Variants in VCAN observed in about 807,000 individuals in gnomAD.
VCAN encodes the protein versican core protein.
Under a neutral mutation model 245.5 loss-of-function variants are expected in VCAN, and 44 were observed. The observed-to-expected ratio is 0.18, with a 90% CI of 0.14 to 0.23. The LOEUF (loss-of-function observed/expected upper bound fraction) is 0.23, where lower values mean the gene tolerates loss of function less well. Ranked by LOEUF, VCAN falls within the 10% of genes least tolerant of loss-of-function variation. The pLI is 1.00. For synonymous variants in VCAN, 1,413 were observed against 1,437.0 expected (o/e 0.98, Z 0.38); for missense variants, 3,793 against 4,057.9 (o/e 0.93, Z 1.77).
intron 12 of VCAN, among the ~76,000 whole-genome samples, chr5:83,556,053 C>G (rs781097484): frequency 2.7e-4 from 41 of 152,140 alleles, no homozygotes; most frequent in Non-Finnish European, 4.7e-4. Flanking sequence ...TCAAAGTAAT[C>G]TCTGCTTTTG....
At chr5:83,558,275 T>G (rs1207444639) in intron 12 of VCAN, among the ~76,000 whole-genome samples, 1 of 152,178 alleles carries the variant, frequency 6.6e-6, no homozygotes, top group South Asian at 2.1e-4. Flanking sequence ...CCAAGGTTTT[T>G]GCTTTTGAAA....
Position 83,519,849 on chromosome 5 carries a change from G to A in VCAN, c.1543G>A (p.Val515Ile). 1 of 1,614,102 alleles carries A rather than the reference G, an allele frequency of 6.2e-7. No homozygotes were observed. Among genetic ancestry groups the A allele is most frequent in the Non-Finnish European group, 8.5e-7 (1 of 1,180,000 alleles). ...GCACATTCCTTCCAAGGAATTCCCT[G>A]TAACTGAAACACCATTGGTAACTGC... ...LKHIPSKEFP[V>I]TETPLVTARM... The change falls in exon 7 of 15, where the codon GTA becomes ATA. Residue 515 changes from valine (V) to isoleucine (I), a missense_variant. Coordinates refer to ENST00000265077, the MANE Select transcript of VCAN (RefSeq NM_004385.5).
At position 83,572,480 on chromosome 5, in the gene VCAN, T is replaced by A; in HGVS notation, c.9800T>A (p.Val3267Glu). The change falls in exon 13 of 15, where the codon GTA becomes GAA. Residue 3267 changes from valine to glutamate, a missense_variant. Transcript: ENST00000265077. ...SFFSAGEDCV[V>E]IIWHENGQWN... Reference sequence around the variant, plus strand: ...TTTTCTGCTGGAGAAGACTGTGTTGTAATCATTTGGCATGAGAATGGCCAG... The same window carrying A: ...TTTTCTGCTGGAGAAGACTGTGTTGAAATCATTTGGCATGAGAATGGCCAG... 1 of 1,613,968 alleles carries A rather than the reference T, an allele frequency of 6.2e-7. No homozygotes were observed. Among genetic ancestry groups the A allele is most frequent in the Non-Finnish European group, 8.5e-7 (1 of 1,179,896 alleles).
At chr5:83,575,200 A>G (rs1463484878) in intron 13 of VCAN, among the ~76,000 whole-genome samples, 2 of 152,186 alleles carry the variant, frequency 1.3e-5, no homozygotes, top group South Asian at 2.1e-4. Flanking sequence ...GAAAGAGAAC[A>G]CTAACATACA....
chr5:83,568,098 G>A (rs1300115147), intron 12 of VCAN, among the ~76,000 whole-genome samples: 1 of 151,190 alleles, frequency 6.6e-6, no homozygotes, highest in African/African-American at 2.4e-5. Context: ...TTTAACTTTA[G>A]TGAAAAGAAA....
At chr5:83,479,594 C>T (rs1023242920) in intron 1 of VCAN, among the ~76,000 whole-genome samples, 13 of 151,876 alleles carry the variant, frequency 8.6e-5, no homozygotes, top group African/African-American at 1.2e-4. Context: ...CACTAGTAGA[C>T]GGTGCTTATA....
rs1366052719 is a variant in VCAN, at chr5:83,576,279, AGTG to A, written c.9881-3700_9881-3698del. On this transcript the variant is annotated intron_variant, in intron 13 of 14. Coordinates refer to ENST00000265077, the MANE Select transcript of VCAN (RefSeq NM_004385.5). ...TGTTTCACTAAACAATAAATTATTT[AGTG>A]TTGTACATTTTTGAACTTTAAATAA... 3.9e-5 allele frequency among the ~76,000 whole-genome samples: 6 copies of A among 152,158 alleles called. No homozygotes were observed. The East Asian group carries it at 1.2e-3, about 29-fold the overall frequency.
At chr5:83,579,778 T>C (rs1021957531) in intron 13 of VCAN, among the ~76,000 whole-genome samples, 38 of 152,204 alleles carry the variant, frequency 2.5e-4, no homozygotes, top group Non-Finnish European at 3.8e-4. Flanking sequence ...AATTTCAAGA[T>C]GGCATAATCT....
At chr5:83,509,885 C>T (rs1343411817) in intron 5 of VCAN, among the ~76,000 whole-genome samples, 1 of 152,156 alleles carries the variant, frequency 6.6e-6, no homozygotes, top group Non-Finnish European at 1.5e-5. Context: ...GCCATCTCTC[C>T]AAAGCTTTGT....
At chr5:83,558,775 G>A (rs1747761955) in intron 12 of VCAN, among the ~76,000 whole-genome samples, 1 of 151,876 alleles carries the variant, frequency 6.6e-6, no homozygotes, top group Non-Finnish European at 1.5e-5. Context: ...CACATTACTG[G>A]CCTCTATAAT....
chr5:83,487,664 A>G (rs1744840092), intron 2 of VCAN, among the ~76,000 whole-genome samples: 1 of 152,202 alleles, frequency 6.6e-6, no homozygotes, highest in Non-Finnish European at 1.5e-5. Flanking sequence ...TCACATCAAT[A>G]TATTATTTAT....
intron 5 of VCAN, among the ~76,000 whole-genome samples, chr5:83,503,162 G>A (rs776967693): frequency 3.3e-5 from 5 of 152,076 alleles, no homozygotes; most frequent in African/African-American, 4.8e-5. Flanking sequence ...ATAAGCATTA[G>A]TTTTTCCTGC....
In VCAN at chr5:83,520,243, C is replaced by T; in HGVS notation, c.1937C>T (p.Pro646Leu). The T allele has an allele frequency of 6.2e-7, 1 of 1,614,000 alleles. No individual in the cohort carries two copies. Among genetic ancestry groups the T allele is most frequent in the Non-Finnish European group, 8.5e-7 (1 of 1,179,952 alleles). ...LGKYLSTTPF[P>L]SQHRTEIELF... The stretch of plus-strand genomic sequence containing the variant: ...AAATATCTGTCTACTACACCTTTTC[C>T]ATCACAGCATCGTACAGAAATAGAA... Residue 646 changes from proline (P) to leucine (L), a missense_variant, in exon 7 of 15, where the codon CCA (proline) becomes CTA (leucine). Transcript: ENST00000265077.
chr5:83,496,864 T>A (rs1380494996), intron 5 of VCAN, among the ~76,000 whole-genome samples: 5 of 152,208 alleles, frequency 3.3e-5, no homozygotes, highest in Non-Finnish European at 5.9e-5. Context: ...TAATAAAAAA[T>A]TCTTGTGGAA....
intron 7 of VCAN, among the ~76,000 whole-genome samples, chr5:83,522,801 A>G (rs1489605281): frequency 2.0e-5 from 3 of 152,206 alleles, no homozygotes; most frequent in Non-Finnish European, 4.4e-5. Flanking sequence ...CAGGTTTATT[A>G]TATGACTTGT....
intron 5 of VCAN, among the ~76,000 whole-genome samples, chr5:83,503,211 C>T (rs962598072): frequency 2.7e-5 from 4 of 150,714 alleles, no homozygotes; most frequent in African/African-American, 4.9e-5. Flanking sequence ...AACAAAAAAA[C>T]GATGGAGAGA....
intron 10 of VCAN, among the ~76,000 whole-genome samples, chr5:83,549,313 C>A (rs1348668379): frequency 6.6e-6 from 1 of 152,220 alleles, no homozygotes; most frequent in Non-Finnish European, 1.5e-5. Flanking sequence ...CTTAGCATAA[C>A]TCTTGGCAGA....
Position 83,541,891 on chromosome 5 carries a change from C to T in VCAN, c.8888C>T (p.Ala2963Val), listed in dbSNP as rs2112450759. ...GAGGCTGGAACTGTTATTACAACTG[C>T]CGATGAAATTGAATTAGAAGGTGCT... ...TPEAGTVITTADEIELEGATQ... is the reference protein window; with the variant it reads ...TPEAGTVITTVDEIELEGATQ... Residue 2963 changes from alanine (A) to valine (V), a missense_variant, in exon 8 of 15, where the codon GCC (alanine) becomes GTC (valine). Around this residue, in one of 5 missense-constraint regions of VCAN, gnomAD observed 3,182 missense variants for 3,250.3 expected, o/e 0.98. Coordinates refer to ENST00000265077, the MANE Select transcript of VCAN (RefSeq NM_004385.5). The T allele has an allele frequency of 1.2e-6, 2 of 1,614,050 alleles. No homozygotes were observed. Among genetic ancestry groups the T allele is most frequent in the Non-Finnish European group, 1.7e-6 (2 of 1,179,996 alleles).
chr5:83,528,063 G>T (rs113103759), intron 7 of VCAN, among the ~76,000 whole-genome samples: 42 of 152,286 alleles, frequency 2.8e-4, no homozygotes, highest in African/African-American at 9.9e-4. Context: ...AGATATTAAA[G>T]GTGGTCATAA....
Sources: gnomAD v4.1 joint callset for allele counts (sites outside exome capture counted in the v4.1 genomes callset) on GRCh38, gnomAD v4.1.1 for gene constraint, gnomAD v4.1.1 regional missense constraint, MANE v1.5 for transcripts, NCBI Gene and HGNC (gene_info 2026-07-23, HGNC 2026-07-21) for gene names.